The following EFTUD2 variants were observed in gnomAD, a reference collection of about 807,000 sequenced individuals.
EFTUD2 encodes 116 kDa U5 small nuclear ribonucleoprotein component.
A neutral mutation model predicts 114.3 loss-of-function variants in EFTUD2; 9 were observed. The ratio of observed to expected loss-of-function variants is 0.08; its 90% CI spans 0.05 to 0.14. The LOEUF (loss-of-function observed/expected upper bound fraction) is 0.14. Among genes scored for constraint, EFTUD2 ranks in the 10% least tolerant of loss-of-function variants. The pLI is 1.00. For synonymous variants in EFTUD2, 449 were observed against 462.3 expected (o/e 0.97, Z 0.37); for missense variants, 765 against 1,241.2 (o/e 0.62, Z 5.76).
chr17:44,882,133 C>T (rs2051082810), intron 6 of EFTUD2, among the ~76,000 whole-genome samples: 1 of 152,088 alleles, frequency 6.6e-6, no homozygotes, highest in Non-Finnish European at 1.5e-5. Context: ...AGGGTTTCAT[C>T]ATGTTGGTCA....
chr17:44,857,596 G>A (rs1245156905), intron 19 of EFTUD2: 1 of 203,660 alleles, frequency 4.9e-6, no homozygotes, highest in Non-Finnish European at 1.0e-5. Flanking sequence ...TGCTGCCCAG[G>A]AAACCCAGTG....
At chr17:44,855,546 G>A (rs1322612100) in intron 20 of EFTUD2, among the ~76,000 whole-genome samples, 3 of 149,390 alleles carry the variant, frequency 2.0e-5, no homozygotes, top group East Asian at 2.0e-4. Flanking sequence ...CCAGCCTGGC[G>A]ACCGTGCAAG....
In EFTUD2 at chr17:44,894,495, A is replaced by G; in HGVS notation, c.27T>C (p.Phe9=). 6.2e-7 allele frequency: 1 copy of G among 1,614,122 alleles called. No homozygotes were observed. Among genetic ancestry groups the G allele is most frequent in the Non-Finnish European group, 8.5e-7 (1 of 1,179,950 alleles). ...CAAGCTCTGGTCCAATATAATTCCC[A>G]AACTCATCATATAAGTCGGTATCCA... MDTDLYDE[F]GNYIGPELDS... Residue 9 remains phenylalanine (F), a synonymous_variant, in exon 2 of 28, where the codon TTT becomes TTC. Coordinates refer to ENST00000426333, the MANE Select transcript of EFTUD2 (RefSeq NM_004247.4).
rs1244329649 is a variant in EFTUD2 at position 44,858,131 on chromosome 17, A to G, written c.1962+949T>C. 2.0e-5 allele frequency among the ~76,000 whole-genome samples: 3 copies of G among 152,290 alleles called. No individual in the cohort carries two copies. The East Asian group carries it at 5.8e-4, about 29-fold the overall frequency. ...GAGACAGAGTTTCACCATGTTGGTCAGGCTGGTCTTGAACTCCTGACCTCA... is the reference window on the plus strand; with the variant it reads ...GAGACAGAGTTTCACCATGTTGGTCGGGCTGGTCTTGAACTCCTGACCTCA... On this transcript the variant is annotated intron_variant, in intron 19 of 27. Coordinates refer to ENST00000426333, the MANE Select transcript of EFTUD2 (RefSeq NM_004247.4).
intron 9 of EFTUD2, among the ~76,000 whole-genome samples, 156 bp from the exon 10 acceptor site, chr17:44,876,256 G>A (rs143060136): frequency 2.0e-5 from 3 of 152,292 alleles, no homozygotes; most frequent in South Asian, 2.1e-4. Context: ...CATCCTGCCC[G>A]AAGATAGACA....
chr17:44,866,860 T>C (rs967965063), intron 13 of EFTUD2, among the ~76,000 whole-genome samples: 2 of 152,094 alleles, frequency 1.3e-5, no homozygotes, highest in African/African-American at 4.8e-5. Context: ...GCCCAGCACT[T>C]TGGGAGGCCA....
chr17:44,897,613 G>T (rs2051413841), intron 1 of EFTUD2, among the ~76,000 whole-genome samples: 1 of 152,082 alleles, frequency 6.6e-6, no homozygotes, highest in South Asian at 2.1e-4. Context: ...TGCCTAGGCT[G>T]GAGTGCAGTG....
intron 17 of EFTUD2, 74 bp from the exon 18 acceptor site, chr17:44,860,119 G>C (rs1002265942): frequency 1.2e-6 from 2 of 1,603,162 alleles, no homozygotes; most frequent in Admixed American, 1.7e-5. Context: ...TATGAGAAGA[G>C]AAGAGGACTT....
At chr17:44,870,364 T>C (rs1173938313) in intron 11 of EFTUD2, among the ~76,000 whole-genome samples, 1 of 152,260 alleles carries the variant, frequency 6.6e-6, no homozygotes, top group Non-Finnish European at 1.5e-5. Context: ...ATTTCATTTA[T>C]TGTTTAGCTA....
intron 2 of EFTUD2, among the ~76,000 whole-genome samples, chr17:44,890,034 T>C (rs149501847): frequency 2.0e-5 from 3 of 152,144 alleles, no homozygotes; most frequent in Non-Finnish European, 4.4e-5. Flanking sequence ...GAGATGGAGT[T>C]TCACTCTTGT....
intron 1 of EFTUD2, chr17:44,899,091 T>TA (rs1486855198): frequency 1.3e-5 from 2 of 152,246 alleles, no homozygotes; most frequent in African/African-American, 2.4e-5. Context: ...ACTGGACAGT[T>TA]AGAGCACCAC....
chr17:44,862,593 T>G (rs2050677950), intron 16 of EFTUD2, 120 bp downstream of exon 16: 8 of 956,136 alleles, frequency 8.4e-6, no homozygotes, highest in Non-Finnish European at 1.2e-5. Context: ...GAGAGCCACT[T>G]TATCCCCTCT....
chr17:44,876,645 G>C (rs948627395), intron 9 of EFTUD2, among the ~76,000 whole-genome samples: 24 of 151,992 alleles, frequency 1.6e-4, no homozygotes, highest in Non-Finnish European at 2.6e-4. Flanking sequence ...GAGGTCAGGA[G>C]ATCGAGACCA....
At chr17:44,859,714 A>G in intron 18 of EFTUD2, 191 bp downstream of exon 18, 1 of 836,128 alleles carries the variant, frequency 1.2e-6, no homozygotes, top group Non-Finnish European at 1.8e-6. Context: ...TCTTGTTTTA[A>G]CACACACACA....
At chr17:44,860,925 T>C (rs1597796053) in intron 16 of EFTUD2, among the ~76,000 whole-genome samples, 3 of 152,078 alleles carry the variant, frequency 2.0e-5, no homozygotes, top group African/African-American at 7.2e-5. Context: ...ACTGAGTACT[T>C]GCTGCGTGCC....
intron 11 of EFTUD2, among the ~76,000 whole-genome samples, chr17:44,870,680 T>A (rs2050832917): frequency 6.6e-6 from 1 of 152,174 alleles, no homozygotes. Flanking sequence ...TTTCTCATGA[T>A]TTTCTTTGTA....
At chr17:44,887,465 C>A (rs2051195386) in intron 2 of EFTUD2, among the ~76,000 whole-genome samples, 1 of 152,112 alleles carries the variant, frequency 6.6e-6, no homozygotes, top group Non-Finnish European at 1.5e-5. Flanking sequence ...TACATCCATA[C>A]AAAAGATTAT....
intron 18 of EFTUD2, chr17:44,859,567 G>C: frequency 2.0e-6 from 1 of 499,474 alleles, no homozygotes; most frequent in Non-Finnish European, 3.6e-6. Context: ...CTCTTCTCGA[G>C]AAAATCAATT....
At chr17:44,889,762 TGGC>T (rs1013986025) in intron 2 of EFTUD2, among the ~76,000 whole-genome samples, 4 of 152,184 alleles carry the variant, frequency 2.6e-5, no homozygotes, top group Non-Finnish European at 4.4e-5. Flanking sequence ...TCTACTAAAG[TGGC>T]CTAAGATTAC....
Sources: allele counts gnomAD v4.1 joint callset (sites outside exome capture counted in the v4.1 genomes callset), GRCh38; gene constraint gnomAD v4.1.1; transcripts MANE v1.5; gene names NCBI Gene and HGNC (gene_info 2026-07-23, HGNC 2026-07-21).